ANO3: variants seen among roughly 807,000 people sequenced by gnomAD.
The protein encoded by ANO3 is anoctamin-3.
Under a neutral mutation model 144.8 loss-of-function variants are expected in ANO3, and 99 were observed. The ratio of observed to expected loss-of-function variants is 0.68; its 90% CI spans 0.58 to 0.81. ANO3 has a LOEUF of 0.81. Among genes scored for constraint, ANO3 ranks in the 30% least tolerant of loss-of-function variants. The pLI is 0.00. For missense variants in ANO3, 905 were observed against 1,202.2 expected (o/e 0.75, Z 3.66); for synonymous variants, 414 against 392.6 (o/e 1.05, Z -0.64).
intron 1 of ANO3, among the ~76,000 whole-genome samples, chr11:26,354,934 G>A (rs1855739533): frequency 1.3e-5 from 2 of 148,548 alleles, no homozygotes; most frequent in East Asian, 2.0e-4. Flanking sequence ...TCCATAATTT[G>A]TTTTAGTGTT....
chr11:26,347,970 T>G (rs1389209034), intron 1 of ANO3, among the ~76,000 whole-genome samples: 1 of 152,222 alleles, frequency 6.6e-6, no homozygotes, highest in African/African-American at 2.4e-5. Context: ...GCCCATTGGG[T>G]ACTCTTTGCA....
chr11:26,650,400 G>A (rs1017142753), intron 24 of ANO3, among the ~76,000 whole-genome samples: 2 of 152,146 alleles, frequency 1.3e-5, no homozygotes, highest in African/African-American at 4.8e-5. Flanking sequence ...GGTTCCGAGG[G>A]CAGTCCTTCT....
At chr11:26,352,458 T>G (rs1056005422) in intron 1 of ANO3, among the ~76,000 whole-genome samples, 10 of 152,232 alleles carry the variant, frequency 6.6e-5, no homozygotes, top group Admixed American at 2.0e-4. Flanking sequence ...CTTCCAGCAC[T>G]GAGGTAGAAA....
chr11:26,332,119 G>A (rs1189698417), upstream of ANO3: 7 of 1,489,468 alleles, frequency 4.7e-6, no homozygotes, highest in Non-Finnish European at 6.2e-6. Flanking sequence ...ACACCGGCGG[G>A]CGCGTAGCCT....
intron 1 of ANO3, among the ~76,000 whole-genome samples, chr11:26,295,829 C>A (rs1049932376): frequency 6.6e-6 from 1 of 152,124 alleles, no homozygotes; most frequent in Middle Eastern, 3.2e-3. Context: ...CCAAATTCCT[C>A]CCATGCTCCG....
intron 1 of ANO3, among the ~76,000 whole-genome samples, chr11:26,440,868 G>A (rs1858485019): frequency 6.6e-6 from 1 of 152,106 alleles, no homozygotes; most frequent in Non-Finnish European, 1.5e-5. Flanking sequence ...AGACACTGAG[G>A]TTTAGAGTGC....
intron 1 of ANO3, among the ~76,000 whole-genome samples, chr11:26,394,323 G>A (rs940476730): frequency 1.3e-5 from 2 of 151,948 alleles, no homozygotes; most frequent in African/African-American, 2.4e-5. Context: ...GGATTATCTG[G>A]TTCTTTCATT....
intron 14 of ANO3, among the ~76,000 whole-genome samples, chr11:26,571,147 T>C (rs1850808926): frequency 1.3e-5 from 2 of 152,090 alleles, no homozygotes; most frequent in African/African-American, 4.8e-5. Flanking sequence ...AATTCAGTAC[T>C]TAACTAATTA....
At chr11:26,353,671 T>C (rs1232868686) in intron 1 of ANO3, among the ~76,000 whole-genome samples, 1 of 152,146 alleles carries the variant, frequency 6.6e-6, no homozygotes, top group Non-Finnish European at 1.5e-5. Context: ...CTGGTACAAC[T>C]GCTTCTCCTG....
At chr11:26,565,601 A>C (rs1850541775) in intron 14 of ANO3, 1 of 1,613,304 alleles carries the variant, frequency 6.2e-7, no homozygotes, top group Non-Finnish European at 8.5e-7. Flanking sequence ...TACTGGAGAA[A>C]TCTGTTATTC....
At chr11:26,502,906 C>A (rs1230654386) in intron 4 of ANO3, among the ~76,000 whole-genome samples, 1 of 150,088 alleles carries the variant, frequency 6.7e-6, no homozygotes, top group Admixed American at 6.6e-5. Context: ...CTGCTCTAAT[C>A]TTATTTAAAG....
At chr11:26,461,102 G>C (rs1331883178) in intron 3 of ANO3, among the ~76,000 whole-genome samples, 3 of 151,268 alleles carry the variant, frequency 2.0e-5, no homozygotes, top group African/African-American at 7.4e-5. Context: ...GGGACAGAGA[G>C]AGAGCGAGAG....
chr11:26,557,354 G>A (rs556655019), intron 13 of ANO3, among the ~76,000 whole-genome samples: 2 of 151,610 alleles, frequency 1.3e-5, no homozygotes, highest in South Asian at 2.1e-4. Flanking sequence ...CCAGCTACTC[G>A]GGAGGCTGAG....
chr11:26,518,373 C>T (rs1458464799), intron 6 of ANO3, among the ~76,000 whole-genome samples: 1 of 151,958 alleles, frequency 6.6e-6, no homozygotes, highest in Non-Finnish European at 1.5e-5. Context: ...TTATACAAAA[C>T]CATGCAGAAT....
chr11:26,446,149 A>G (rs1384673605), intron 3 of ANO3, among the ~76,000 whole-genome samples: 1 of 152,220 alleles, frequency 6.6e-6, no homozygotes, highest in Non-Finnish European at 1.5e-5. Flanking sequence ...TTGCCTTTGA[A>G]AAGAAGACGC....
At chr11:26,636,809 G>A (rs1330661038) in intron 20 of ANO3, among the ~76,000 whole-genome samples, 1 of 152,210 alleles carries the variant, frequency 6.6e-6, no homozygotes, top group African/African-American at 2.4e-5. Context: ...ACACTTCTAT[G>A]CTGGATTTAG....
intron 1 of ANO3, among the ~76,000 whole-genome samples, chr11:26,338,727 C>T (rs1362530776): frequency 4.6e-5 from 7 of 151,794 alleles, no homozygotes; most frequent in Non-Finnish European, 1.0e-4. Context: ...CCAGACGTGC[C>T]ACCTTTAAGA....
chr11:26,655,227 A>G (rs1383830310), intron 24 of ANO3, among the ~76,000 whole-genome samples: 2 of 152,088 alleles, frequency 1.3e-5, no homozygotes, highest in Non-Finnish European at 2.9e-5. Flanking sequence ...GTACCTTCCC[A>G]TCTGTCACAT....
intron 1 of ANO3, among the ~76,000 whole-genome samples, chr11:26,256,720 CAATT>C (rs1853065705): frequency 6.6e-6 from 1 of 152,108 alleles, no homozygotes; most frequent in Admixed American, 6.6e-5. Flanking sequence ...ACAACGTACA[CAATT>C]AAGCTATTTT....
Sources: allele counts gnomAD v4.1 joint callset (sites outside exome capture counted in the v4.1 genomes callset), GRCh38; gene constraint gnomAD v4.1.1; transcripts MANE v1.5; gene names NCBI Gene and HGNC (gene_info 2026-07-23, HGNC 2026-07-21).